The following VPS13B variants were observed in gnomAD, a reference collection of about 807,000 sequenced individuals.
The protein encoded by VPS13B is intermembrane lipid transfer protein VPS13B.
VPS13B carries 285 observed loss-of-function variants against 426.4 expected under a neutral mutation model. That is an observed-to-expected ratio of 0.67 (90% confidence interval 0.61 to 0.74). The LOEUF is 0.74. VPS13B is among the 30% of genes least tolerant of loss of function. The pLI is 0.00. For missense variants in VPS13B, 4,537 were observed against 4,782.6 expected (o/e 0.95, Z 1.51); for synonymous variants, 1,676 against 1,676.4 (o/e 1.00, Z 0.01).
At chr8:99,693,467 C>A (rs1831784379) in intron 35 of VPS13B, among the ~76,000 whole-genome samples, 2 of 116,058 alleles carry the variant, frequency 1.7e-5, no homozygotes, top group South Asian at 3.2e-4. Context: ...TCAATAGATG[C>A]AGAAAAAGCC....
rs190950334 is a variant in VPS13B, at chr8:99,372,641, G to A, written c.2825-11567G>A. On this transcript the variant is annotated intron_variant, in intron 19 of 61. Coordinates refer to ENST00000357162, the MANE Select transcript of VPS13B (RefSeq NM_152564.5). Reference sequence around the variant, plus strand: ...ACCATCTCACACCAGTTAGAATGGCGATCTTTAAAAAGTCAGGAAACAACA... The same window carrying A: ...ACCATCTCACACCAGTTAGAATGGCAATCTTTAAAAAGTCAGGAAACAACA... 6.4e-3 allele frequency among the ~76,000 whole-genome samples: 974 copies of A among 152,242 alleles called. 9 individuals are homozygous for A. The highest frequency in any genetic ancestry group is 0.041 in the Middle Eastern group (12 of 294).
At chr8:99,817,948 T>G in intron 45 of VPS13B, 145 bp downstream of exon 45, 1 of 1,244,952 alleles carries the variant, frequency 8.0e-7, no homozygotes. Context: ...CTTCTCAAAC[T>G]GTTTCCTCCC....
chr8:99,774,539 A>G (rs888203137), intron 40 of VPS13B, among the ~76,000 whole-genome samples: 1 of 152,220 alleles, frequency 6.6e-6, no homozygotes, highest in Non-Finnish European at 1.5e-5. Flanking sequence ...CTTGGAAAAT[A>G]TCAGAGTGTC....
chr8:99,621,448 G>A (rs370283697), intron 33 of VPS13B, among the ~76,000 whole-genome samples: 1 of 152,162 alleles, frequency 6.6e-6, no homozygotes, highest in East Asian at 1.9e-4. Context: ...CAGGTTATCT[G>A]TTAAGAGTCT....
At chr8:99,086,532 G>T (rs1845815742) in intron 3 of VPS13B, among the ~76,000 whole-genome samples, 2 of 152,144 alleles carry the variant, frequency 1.3e-5, no homozygotes, top group South Asian at 4.1e-4. Context: ...GAGGAGAGGT[G>T]CTCTGATTTT....
intron 20 of VPS13B, among the ~76,000 whole-genome samples, chr8:99,386,328 A>G (rs1256150665): frequency 1.3e-5 from 2 of 152,212 alleles, no homozygotes; most frequent in African/African-American, 2.4e-5. Flanking sequence ...CGTGCCCCTT[A>G]ATGATGGGGA....
chr8:99,825,017 A>G (rs911739271), intron 51 of VPS13B, among the ~76,000 whole-genome samples: 3 of 152,144 alleles, frequency 2.0e-5, no homozygotes, highest in Non-Finnish European at 4.4e-5. Flanking sequence ...TTGCTATTGT[A>G]AATAGTGCTG....
At chr8:99,779,089 T>C (rs1811884729) in intron 42 of VPS13B, 58 bp downstream of exon 42, 11 of 1,451,524 alleles carry the variant, frequency 7.6e-6, no homozygotes, top group Non-Finnish European at 1.1e-5. Flanking sequence ...TATTAGGTTC[T>C]GTATGCTATC....
chr8:99,468,188 A>T (rs1266612734), intron 24 of VPS13B, among the ~76,000 whole-genome samples: 1 of 151,796 alleles, frequency 6.6e-6, no homozygotes, highest in Non-Finnish European at 1.5e-5. Flanking sequence ...GATGTTCCCC[A>T]CCCTGTGTCC....
chr8:99,403,520 A>G (rs916555388), intron 21 of VPS13B, among the ~76,000 whole-genome samples: 4 of 150,270 alleles, frequency 2.7e-5, no homozygotes, highest in African/African-American at 9.8e-5. Flanking sequence ...CTGCACTCCA[A>G]CCTGGGTGAC....
intron 20 of VPS13B, among the ~76,000 whole-genome samples, chr8:99,389,252 A>C (rs1814293285): frequency 6.6e-6 from 1 of 152,140 alleles, no homozygotes; most frequent in Non-Finnish European, 1.5e-5. Context: ...GGATCTATAA[A>C]ATTTTATATG....
At chr8:99,050,190 C>G (rs928728700) in intron 3 of VPS13B, among the ~76,000 whole-genome samples, 4 of 151,966 alleles carry the variant, frequency 2.6e-5, no homozygotes, top group Admixed American at 1.3e-4. Context: ...CCCCCTCCCC[C>G]CACCACACAA....
intron 36 of VPS13B, among the ~76,000 whole-genome samples, chr8:99,714,803 A>C (rs1477469446): frequency 6.6e-6 from 1 of 152,122 alleles, no homozygotes; most frequent in East Asian, 1.9e-4. Flanking sequence ...CATGAAAGAC[A>C]AAGAAAGCTG....
At chr8:99,551,808 A>T (rs1348074416) in intron 30 of VPS13B, among the ~76,000 whole-genome samples, 4 of 151,950 alleles carry the variant, frequency 2.6e-5, no homozygotes, top group Non-Finnish European at 5.9e-5. Flanking sequence ...ATTATTATTA[A>T]TTTAAACATA....
At chr8:99,165,754 ATTTG>A (rs971984313) in intron 15 of VPS13B, among the ~76,000 whole-genome samples, 1 of 152,154 alleles carries the variant, frequency 6.6e-6, no homozygotes, top group African/African-American at 2.4e-5. Context: ...CTTACCACCC[ATTTG>A]TTCCAATTTT....
intron 13 of VPS13B, 85 bp from the exon 14 acceptor site, chr8:99,147,756 G>A: frequency 1.1e-6 from 1 of 913,610 alleles, no homozygotes; most frequent in Non-Finnish European, 1.5e-6. Flanking sequence ...TGACCTTATA[G>A]TTTGGAGAAC....
At chr8:99,631,899 G>A (rs998281090) in intron 33 of VPS13B, among the ~76,000 whole-genome samples, 2 of 151,888 alleles carry the variant, frequency 1.3e-5, no homozygotes, top group African/African-American at 4.8e-5. Context: ...TTCACATTTT[G>A]CTAATTAGTT....
At chr8:99,597,686 G>GA (rs1827087292) in intron 33 of VPS13B, among the ~76,000 whole-genome samples, 2 of 152,134 alleles carry the variant, frequency 1.3e-5, no homozygotes, top group East Asian at 1.9e-4. Flanking sequence ...AGTGGACAGA[G>GA]AAAATGGTCC....
intron 23 of VPS13B, among the ~76,000 whole-genome samples, chr8:99,456,048 G>A (rs908663521): frequency 1.3e-5 from 2 of 152,114 alleles, no homozygotes. Context: ...CTTTCTAAGT[G>A]GTTATACCGT....
Sources: allele counts gnomAD v4.1 joint callset (sites outside exome capture counted in the v4.1 genomes callset), GRCh38; gene constraint gnomAD v4.1.1; transcripts MANE v1.5; gene names NCBI Gene and HGNC (gene_info 2026-07-23, HGNC 2026-07-21).